The following GATA6 variants were observed in gnomAD, a reference collection of about 807,000 sequenced individuals.
The protein encoded by GATA6 is transcription factor GATA-6.
A neutral mutation model predicts 48.1 loss-of-function variants in GATA6; 11 were observed. The observed-to-expected ratio is 0.23, with a 90% confidence interval of 0.14 to 0.38. The LOEUF (loss-of-function observed/expected upper bound fraction) is 0.38. Among genes scored for constraint, GATA6 ranks in the 10% least tolerant of loss-of-function variants. The pLI is 1.00. For synonymous variants in GATA6, 419 were observed against 396.1 expected (o/e 1.06, Z -0.69); for missense variants, 795 against 850.3 (o/e 0.93, Z 0.81).
intron 6 of GATA6, among the ~76,000 whole-genome samples, chr18:22,190,799 T>C (rs1598740548): frequency 6.6e-6 from 1 of 152,318 alleles, no homozygotes; most frequent in South Asian, 2.1e-4. Context: ...CTACAAGCCA[T>C]GAACATAAAT....
chr18:22,179,778 C>A (rs1396619069), intron 3 of GATA6, among the ~76,000 whole-genome samples: 1 of 152,240 alleles, frequency 6.6e-6, no homozygotes, highest in Non-Finnish European at 1.5e-5. Flanking sequence ...GTGAGCCAAG[C>A]ATACTCATTT....
chr18:22,192,883 C>G (rs2143326777), intron 6 of GATA6, among the ~76,000 whole-genome samples: 1 of 152,180 alleles, frequency 6.6e-6, no homozygotes, highest in East Asian at 1.9e-4. Flanking sequence ...CCTTTCTTCA[C>G]CACAACATGC....
At chr18:22,194,272 G>A (rs1392353006) in intron 6 of GATA6, among the ~76,000 whole-genome samples, 4 of 152,196 alleles carry the variant, frequency 2.6e-5, no homozygotes, top group African/African-American at 9.6e-5. Context: ...CCCAGGCTGG[G>A]TCTGGCCCTG....
In GATA6 at chr18:22,171,268, T is replaced by G. The variant is rs1261069260; in HGVS notation, c.124T>G (p.Ser42Ala). ...PSTPPSPISS[S>A]SSSCSRGGER... The stretch of plus-strand genomic sequence containing the variant: ...CACGCCGCCTTCCCCCATCTCTTCC[T>G]CGTCCTCCTCCTGCTCCCGGGGCGG... The change falls in exon 2 of 7, where the codon TCG becomes GCG. Residue 42 changes from serine (S) to alanine (A), a missense_variant. Around this residue, in one of 5 missense-constraint regions of GATA6, gnomAD observed 591 missense variants for 570.0 expected, o/e 1.04. Transcript: ENST00000269216. The surrounding 1 kb of genome is among the most constrained non-coding windows in gnomAD (Gnocchi z 7.1). 1 of 1,597,192 alleles carries G rather than the reference T, an allele frequency of 6.3e-7. No individual in the cohort carries two copies. Among genetic ancestry groups the G allele is most frequent in the Non-Finnish European group, 8.5e-7 (1 of 1,178,276 alleles).
intron 6 of GATA6, among the ~76,000 whole-genome samples, chr18:22,186,474 G>A (rs1393709309): frequency 6.6e-6 from 1 of 152,188 alleles, no homozygotes; most frequent in African/African-American, 2.4e-5. Flanking sequence ...GGCATTCCCA[G>A]CAGGCTTATT....
chr18:22,171,923 C>T lies in GATA6; in HGVS notation c.779C>T (p.Ser260Leu), dbSNP rs1424061599. The change falls in exon 2 of 7, where the codon TCG becomes TTG. Residue 260 changes from serine (S) to leucine (L), a missense_variant. Transcript: ENST00000269216. This position sits in a 1 kb window ranked among gnomAD's most constrained non-coding sequence, Gnocchi z 7.1. ...GCTGGCTCAGCCGCGGCGCACGTCT[C>T]GGCGCGCTTCCCCTACTCTCCCAGC... Reference protein sequence around the residue: ...GGAGSAAAHVSARFPYSPSPP... With the variant: ...GGAGSAAAHVLARFPYSPSPP... 5.1e-6 allele frequency: 6 copies of T among 1,179,330 alleles called. No homozygotes were observed. The highest frequency in any genetic ancestry group is 6.3e-6 in the Non-Finnish European group (6 of 954,754). 73.1% of individuals were successfully genotyped at this position (1,179,330 alleles called of 1,614,324 possible). A position where few individuals can be genotyped will look rare whatever the true frequency, so the allele number is the denominator to read the frequency against.
At chr18:22,197,283 T>C (rs2033402412) in intron 6 of GATA6, among the ~76,000 whole-genome samples, 1 of 152,110 alleles carries the variant, frequency 6.6e-6, no homozygotes, top group African/African-American at 2.4e-5. Context: ...ACTCCTGACC[T>C]AAGGTGATCC....
chr18:22,173,793 C>T (rs1387088989), intron 2 of GATA6, among the ~76,000 whole-genome samples: 2 of 152,122 alleles, frequency 1.3e-5, no homozygotes, highest in South Asian at 2.1e-4. Flanking sequence ...AGGCGCGCGC[C>T]GCCACACCTA....
Position 22,172,055 on chromosome 18 carries a change from G to A in GATA6, c.911G>A (p.Gly304Asp), listed in dbSNP as rs2033059147. 2 of 1,278,406 alleles carry A rather than the reference G, an allele frequency of 1.6e-6. No individual in the cohort carries two copies. The highest frequency in any genetic ancestry group is 2.0e-6 in the Non-Finnish European group (2 of 1,015,924). 79.2% of individuals were successfully genotyped at this position (1,278,406 alleles called of 1,614,324 possible). A position where few individuals can be genotyped will look rare whatever the true frequency, so the allele number is the denominator to read the frequency against. ...SGGGSSLAAM[G>D]GREPQYSSLS... ...GGCGGCAGTAGCCTGGCGGCCATGG[G>A]CGGCCGCGAGCCCCAGTACAGCTCG... Residue 304 changes from glycine to aspartate, a missense_variant, in exon 2 of 7, where the codon GGC (glycine) becomes GAC (aspartate). Around this residue, in one of 5 missense-constraint regions of GATA6, gnomAD observed 591 missense variants for 570.0 expected, o/e 1.04. Coordinates refer to ENST00000269216, the MANE Select transcript of GATA6 (RefSeq NM_005257.6). This position sits in a 1 kb window ranked among gnomAD's most constrained non-coding sequence, Gnocchi z 5.2.
intron 4 of GATA6, 109 bp downstream of exon 4, chr18:22,181,687 T>G: frequency 8.8e-7 from 1 of 1,138,744 alleles, no homozygotes; most frequent in Non-Finnish European, 1.3e-6. Flanking sequence ...AAAATTTGAA[T>G]GCATATAATT....
At chr18:22,189,233 C>T (rs2033299021) in intron 6 of GATA6, among the ~76,000 whole-genome samples, 1 of 152,202 alleles carries the variant, frequency 6.6e-6, no homozygotes, top group Non-Finnish European at 1.5e-5. Flanking sequence ...TTGTGGCCAA[C>T]AGCAGTGATC....
chr18:22,173,559 G>T (rs1314511982), intron 2 of GATA6, among the ~76,000 whole-genome samples: 2 of 152,210 alleles, frequency 1.3e-5, no homozygotes, highest in African/African-American at 4.8e-5. Context: ...CAAAAGACAC[G>T]CTGGAAATGC....
In GATA6 at chr18:22,172,194, C is replaced by T. The variant is rs976781879; in HGVS notation, c.1050C>T (p.Pro350=). The T allele has an allele frequency of 2.6e-6, 4 of 1,534,160 alleles. No homozygotes were observed. The highest frequency in any genetic ancestry group is 1.2e-5 in the South Asian group (1 of 83,958). Residue 350 remains proline (P), a synonymous_variant, in exon 2 of 7, where the codon CCC becomes CCT. Coordinates refer to ENST00000269216, the MANE Select transcript of GATA6 (RefSeq NM_005257.6). This position sits in a 1 kb window ranked among gnomAD's most constrained non-coding sequence, Gnocchi z 5.2. ...YVGAPLTPAW[P]AGPFETPVLH... ...GGGCGCCACTGACGCCTGCCTGGCC[C>T]GCCGGACCCTTCGAGACCCCGGTGC...
At chr18:22,176,877 C>T (rs1288827191) in intron 2 of GATA6, 78 bp from the exon 3 acceptor site, 1 of 1,462,566 alleles carries the variant, frequency 6.8e-7, no homozygotes, top group Non-Finnish European at 9.0e-7. Context: ...GGGCTGGGGG[C>T]CGGGGTCCCC....
chr18:22,173,767 G>A (rs1479035294), intron 2 of GATA6, among the ~76,000 whole-genome samples: 1 of 152,018 alleles, frequency 6.6e-6, no homozygotes, highest in African/African-American at 2.4e-5. Flanking sequence ...TCAGCCTCCC[G>A]TGTAGCTGGG....
rs1226439786 is a variant in GATA6 at position 22,183,030 on chromosome 18, C to G, written c.1607C>G (p.Pro536Arg). 6.2e-7 allele frequency: 1 copy of G among 1,612,432 alleles called. No individual in the cohort carries two copies. The highest frequency in any genetic ancestry group is 8.5e-7 in the Non-Finnish European group (1 of 1,178,446). ...CSKNTSPTTQ[P>R]TASGAGAPVM... ...AAAAATACTTCCCCCACAACACAAC[C>G]TACAGCCTCAGGGGTAAGTATTAAA... The change falls in exon 6 of 7, where the codon CCT becomes CGT. Residue 536 changes from proline (P) to arginine (R), a missense_variant. Coordinates refer to ENST00000269216, the MANE Select transcript of GATA6 (RefSeq NM_005257.6).
At chr18:22,187,494 AAT>A (rs60789594) in intron 6 of GATA6, among the ~76,000 whole-genome samples, 2,652 of 152,088 alleles carry the variant, frequency 0.017, 76 homozygotes, top group African/African-American at 0.06. Context: ...AAAAAAAAAA[AAT>A]TTTTTTTCTT....
At chr18:22,169,855 C>T (rs1336183201) in intron 1 of GATA6, among the ~76,000 whole-genome samples, 173 bp downstream of exon 1, 1 of 152,236 alleles carries the variant, frequency 6.6e-6, no homozygotes, top group Non-Finnish European at 1.5e-5. Context: ...CCCGGGACAC[C>T]GCGGACCAAC....
Position 22,171,052 on chromosome 18 carries a change from C to T in GATA6, c.-37-56C>T. Reference sequence around the variant, plus strand: ...TGGAGGCGAGGTAGCGTGCAGCCTACGCTCTTGTTAACCCGTCGATCTCCT... The same window carrying T: ...TGGAGGCGAGGTAGCGTGCAGCCTATGCTCTTGTTAACCCGTCGATCTCCT... On this transcript the variant is annotated intron_variant, in intron 1 of 6. Coordinates refer to ENST00000269216, the MANE Select transcript of GATA6 (RefSeq NM_005257.6). This position sits in a 1 kb window ranked among gnomAD's most constrained non-coding sequence, Gnocchi z 7.1. 1.9e-6 allele frequency: 2 copies of T among 1,074,380 alleles called. No homozygotes were observed. Among genetic ancestry groups the T allele is most frequent in the Non-Finnish European group, 1.4e-6 (1 of 718,972 alleles). 66.6% of individuals were successfully genotyped at this position (1,074,380 alleles called of 1,614,324 possible). A position where few individuals can be genotyped will look rare whatever the true frequency, so the allele number is the denominator to read the frequency against.
Sources: gnomAD v4.1 joint callset for allele counts (sites outside exome capture counted in the v4.1 genomes callset) on GRCh38, gnomAD v4.1.1 for gene constraint, gnomAD v4.1.1 regional missense constraint, Gnocchi (gnomAD v3.1) non-coding constraint, MANE v1.5 for transcripts, NCBI Gene and HGNC (gene_info 2026-07-23, HGNC 2026-07-21) for gene names.